The following LDAH variants were observed in gnomAD, a reference collection of about 807,000 sequenced individuals.
LDAH encodes the protein lipid droplet-associated hydrolase.
In LDAH, 26 loss-of-function variants were observed where a neutral mutation model predicts 29.6. The observed-to-expected ratio is 0.88, with a 90% CI of 0.64 to 1.22. LDAH has a LOEUF of 1.22. LDAH is among the 50% of genes most tolerant of loss of function. The pLI is 0.00. For missense variants in LDAH, 344 were observed against 387.3 expected, an observed-to-expected ratio of 0.89 and a Z score of 0.94; for synonymous variants, 117 against 133.0, an observed-to-expected ratio of 0.88 and a Z score of 0.83.
chr2:20,705,057 C>T (rs914500096), intron 5 of LDAH, among the ~76,000 whole-genome samples: 4 of 152,112 alleles, frequency 2.6e-5, no homozygotes, highest in Admixed American at 2.6e-4. Flanking sequence ...TTGGTTTATT[C>T]CCTTACTTTA....
At chr2:20,683,337 G>A (rs1662367026), downstream of LDAH, among the ~76,000 whole-genome samples, 1 of 152,178 alleles carries the variant, frequency 6.6e-6, no homozygotes. Flanking sequence ...CAGCACTCCT[G>A]CAGAAGAGCT....
chr2:20,694,228 T>G (rs924729742), intron 6 of LDAH, among the ~76,000 whole-genome samples: 2 of 152,226 alleles, frequency 1.3e-5, no homozygotes, highest in Non-Finnish European at 2.9e-5. Flanking sequence ...TATAAACTGT[T>G]AGGTCCTCCA....
At chr2:20,767,331 C>A (rs1052097345) in intron 4 of LDAH, among the ~76,000 whole-genome samples, 8 of 137,658 alleles carry the variant, frequency 5.8e-5, no homozygotes, top group Non-Finnish European at 1.5e-5. Flanking sequence ...GAGGCCTGCT[C>A]CACTCCATGA....
At chr2:20,733,611 C>T (rs1268463464) in intron 5 of LDAH, among the ~76,000 whole-genome samples, 1 of 151,874 alleles carries the variant, frequency 6.6e-6, no homozygotes, top group Non-Finnish European at 1.5e-5. Flanking sequence ...ATCATGTTGC[C>T]CAGGCTGGTC....
At chr2:20,738,478 A>C (rs1666959006) in intron 5 of LDAH, among the ~76,000 whole-genome samples, 1 of 151,862 alleles carries the variant, frequency 6.6e-6, no homozygotes, top group Non-Finnish European at 1.5e-5. Context: ...TACTTAATAA[A>C]CTTGCTTTTG....
intron 1 of LDAH, among the ~76,000 whole-genome samples, chr2:20,816,606 C>T (rs957564145): frequency 6.6e-6 from 1 of 151,882 alleles, no homozygotes; most frequent in African/African-American, 2.4e-5. Context: ...CCAAAACCAA[C>T]AGAGCTCAAA....
In LDAH at chr2:20,740,167, T is replaced by TGTTGAG; in HGVS notation, c.506_507insCTCAAC (p.Arg169_Met170insSerThr). 6.2e-7 allele frequency: 1 copy of TGTTGAG among 1,614,076 alleles called. No individual in the cohort carries two copies. The highest frequency in any genetic ancestry group is 8.5e-7 in the Non-Finnish European group (1 of 1,179,958). On this transcript the variant is annotated inframe_insertion, in exon 5 of 7. Transcript: ENST00000237822. Reference sequence around the variant, plus strand: ...TTCTGCCATTGGGTGACTCAGACATTCGTTCAATTGTTGGAAAGAGCAGAA... The same window carrying TGTTGAG: ...TTCTGCCATTGGGTGACTCAGACATTGTTGAGCGTTCAATTGTTGGAAAGAGCAGAA...
intron 4 of LDAH, among the ~76,000 whole-genome samples, chr2:20,760,830 T>A (rs1269661369): frequency 1.3e-5 from 2 of 152,292 alleles, no homozygotes; most frequent in African/African-American, 4.8e-5. Flanking sequence ...TTTATCATAT[T>A]TTGTTGGTTA....
intron 5 of LDAH, 121 bp downstream of exon 5, chr2:20,739,850 G>T: frequency 7.8e-6 from 5 of 639,908 alleles, no homozygotes; most frequent in Admixed American, 3.5e-5. Context: ...TTAAACTTTT[G>T]GAAGAGGAAA....
In LDAH at chr2:20,687,009, A is replaced by C; in HGVS notation, c.872T>G (p.Ile291Ser). The C allele has an allele frequency of 1.2e-6, 2 of 1,614,078 alleles. No homozygotes were observed. Among genetic ancestry groups the C allele is most frequent in the Non-Finnish European group, 1.7e-6 (2 of 1,179,956 alleles). Residue 291 changes from isoleucine (I) to serine (S), a missense_variant, in exon 7 of 7, where the codon ATT becomes AGT. Physicochemically the swap from Ile to Ser is moderately radical, Grantham distance 142 (BLOSUM62 -2). Transcript: ENST00000237822. The part of the protein sequence containing the change: ...DIKKDFPEGD[I>S]RLCEKNIPHA... Reference sequence around the variant, plus strand: ...AGGTATGTTTTTCTCACAGAGTCGAATGTCTCCTTCTGGAAAATCCTTCTT... The same window carrying C: ...AGGTATGTTTTTCTCACAGAGTCGACTGTCTCCTTCTGGAAAATCCTTCTT...
In LDAH at chr2:20,686,850, G is replaced by A; in HGVS notation, c.*53C>T. The A allele has an allele frequency of 6.7e-7, 1 of 1,484,380 alleles. No individual in the cohort carries two copies. Among genetic ancestry groups the A allele is most frequent in the Non-Finnish European group, 9.3e-7 (1 of 1,080,400 alleles). The allele number at this position is 1,484,380 out of a possible 1,614,324, so 92.0% of individuals were successfully genotyped here. A position where few individuals can be genotyped will look rare whatever the true frequency, so the allele number is the denominator to read the frequency against. On this transcript the variant is annotated 3_prime_UTR_variant, in exon 7 of 7. Coordinates refer to ENST00000237822, the MANE Select transcript of LDAH (RefSeq NM_021925.4). ...ATTAAACATTTACCTACTAAGTCTA[G>A]TACACTGACTGCCTCCATGTACTGG...
rs1361997039 is a variant in LDAH, at chr2:20,686,964, A to T, written c.917T>A (p.Phe306Tyr). 6.2e-7 allele frequency: 1 copy of T among 1,614,052 alleles called. No homozygotes were observed. The highest frequency in any genetic ancestry group is 2.2e-5 in the East Asian group (1 of 44,904). Residue 306 changes from phenylalanine to tyrosine, a missense_variant, in exon 7 of 7, where the codon TTT becomes TAT. By Grantham distance (22) the Phe-to-Tyr change is conservative. Transcript: ENST00000237822. ...AATCATGTCTGCCATTTCCTGGTTAAAATGGGTGATGAAAGCATGAGGTAT... is the reference window on the plus strand; with the variant it reads ...AATCATGTCTGCCATTTCCTGGTTATAATGGGTGATGAAAGCATGAGGTAT... ...KNIPHAFITH[F>Y]NQEMADMIAD...
At chr2:20,764,153 A>T (rs573771448) in intron 4 of LDAH, among the ~76,000 whole-genome samples, 49 of 151,442 alleles carry the variant, frequency 3.2e-4, no homozygotes, top group African/African-American at 1.2e-3. Context: ...TTAGCAAGGT[A>T]TTCTGGGTAA....
chr2:20,686,856 T>A lies in LDAH; in HGVS notation c.*47A>T, dbSNP rs770646885. 4.0e-6 allele frequency: 6 copies of A among 1,494,334 alleles called. No homozygotes were observed. Among genetic ancestry groups the A allele is most frequent in the African/African-American group, 1.4e-5 (1 of 72,094 alleles). The allele number at this position is 1,494,334 out of a possible 1,614,324, so 92.6% of individuals were successfully genotyped here. The stretch of plus-strand genomic sequence containing the variant: ...CATTTACCTACTAAGTCTAGTACAC[T>A]GACTGCCTCCATGTACTGGCAGTGG... On this transcript the variant is annotated 3_prime_UTR_variant, in exon 7 of 7. Coordinates refer to ENST00000237822, the MANE Select transcript of LDAH (RefSeq NM_021925.4).
chr2:20,741,102 C>T (rs1667140881), intron 4 of LDAH, among the ~76,000 whole-genome samples: 1 of 151,990 alleles, frequency 6.6e-6, no homozygotes. Context: ...GGTTTTTGGC[C>T]CATTTTAAAA....
rs910205185 is a variant in LDAH, at chr2:20,736,982, C to T, written c.703+2989G>A. 7.2e-5 allele frequency among the ~76,000 whole-genome samples: 11 copies of T among 152,136 alleles called. 1 individual carries two copies. Among genetic ancestry groups the T allele is most frequent in the African/African-American group, 2.7e-4 (11 of 41,486 alleles). On this transcript the variant is annotated intron_variant, in intron 5 of 6. Coordinates refer to ENST00000237822, the MANE Select transcript of LDAH (RefSeq NM_021925.4). ...TCTGTCTTTTGTAACAAAGATCTGC[C>T]CCAAGTAAGAACTATACAAAGTAGG...
At chr2:20,777,340 C>T (rs1280714743) in intron 3 of LDAH, among the ~76,000 whole-genome samples, 1 of 152,028 alleles carries the variant, frequency 6.6e-6, no homozygotes, top group Non-Finnish European at 1.5e-5. Flanking sequence ...CTAGTGTTTG[C>T]CAAAGTGGTA....
At chr2:20,797,521 G>A (rs559378062) in intron 2 of LDAH, among the ~76,000 whole-genome samples, 2 of 152,160 alleles carry the variant, frequency 1.3e-5, no homozygotes, top group South Asian at 2.1e-4. Flanking sequence ...TGTTTTGCCC[G>A]AGACTGTCAT....
rs527634642 is a variant in LDAH, at chr2:20,722,716, C to T, written c.703+17255G>A. On this transcript the variant is annotated intron_variant, in intron 5 of 6. Transcript: ENST00000237822. Reference sequence around the variant, plus strand: ...CACATGTACCCTAAAATATGTACAACTATTATGTAATCAAAGAAAAAGAAC... The same window carrying T: ...CACATGTACCCTAAAATATGTACAATTATTATGTAATCAAAGAAAAAGAAC... Among the ~76,000 whole-genome samples, 40 of 152,184 alleles carry T rather than the reference C, an allele frequency of 2.6e-4. No individual in the cohort carries two copies. The South Asian group carries it at 8.1e-3, about 31-fold the overall frequency.
Sources: allele counts gnomAD v4.1 joint callset (sites outside exome capture counted in the v4.1 genomes callset), GRCh38; gene constraint gnomAD v4.1.1; transcripts MANE v1.5; gene names NCBI Gene and HGNC (gene_info 2026-07-23, HGNC 2026-07-21).